THSD7B: variants seen among roughly 807,000 people sequenced by gnomAD.
THSD7B encodes thrombospondin type 1 domain containing 7B.
Under a neutral mutation model 213.6 loss-of-function variants are expected in THSD7B, and 138 were observed. That is an observed-to-expected ratio of 0.65 (90% CI 0.56 to 0.74). The LOEUF is 0.74. Among genes scored for constraint, THSD7B ranks in the 30% least tolerant of loss-of-function variants. The probability of loss-of-function intolerance (pLI) is 0.00; values close to 1 mark genes in which losing one functional copy is unlikely to be tolerated. For synonymous variants in THSD7B, 742 were observed against 687.0 expected (o/e 1.08, Z -1.25); for missense variants, 1,931 against 1,991.5 (o/e 0.97, Z 0.58).
At chr2:137,400,111 T>C (rs1352511784) in intron 12 of THSD7B, among the ~76,000 whole-genome samples, 2 of 152,180 alleles carry the variant, frequency 1.3e-5, no homozygotes, top group African/African-American at 4.8e-5. Flanking sequence ...TTTTCTAATT[T>C]TTTTGTCTTA....
intron 15 of THSD7B, among the ~76,000 whole-genome samples, 191 bp downstream of exon 15, chr2:137,451,214 G>A (rs1157760452): frequency 6.6e-6 from 1 of 152,030 alleles, no homozygotes; most frequent in African/African-American, 2.4e-5. Flanking sequence ...CCTGGATAAT[G>A]CTGAGACAAA....
chr2:137,650,649 T>A (rs536838210), intron 21 of THSD7B, among the ~76,000 whole-genome samples: 3 of 152,324 alleles, frequency 2.0e-5, no homozygotes, highest in African/African-American at 7.2e-5. Context: ...TAGGCATCCT[T>A]GTCTTGTTCC....
chr2:137,075,866 G>C (rs550450658), intron 3 of THSD7B, among the ~76,000 whole-genome samples: 2 of 152,206 alleles, frequency 1.3e-5, no homozygotes, highest in Non-Finnish European at 2.9e-5. Flanking sequence ...GACACTGTTT[G>C]CCTGGGTATC....
intron 20 of THSD7B, among the ~76,000 whole-genome samples, chr2:137,634,991 T>C (rs1363542782): frequency 1.3e-5 from 2 of 152,194 alleles, no homozygotes; most frequent in African/African-American, 4.8e-5. Context: ...GATCTTGCCA[T>C]TCAATCCTTT....
chr2:137,376,686 G>A (rs940273725), intron 12 of THSD7B, among the ~76,000 whole-genome samples: 3 of 152,180 alleles, frequency 2.0e-5, no homozygotes, highest in African/African-American at 7.2e-5. Context: ...AAAGCTTCTA[G>A]CATATTGCGT....
intron 9 of THSD7B, among the ~76,000 whole-genome samples, chr2:137,239,564 G>T (rs1573906014): frequency 1.3e-5 from 2 of 152,180 alleles, no homozygotes; most frequent in East Asian, 3.9e-4. Flanking sequence ...AACTCTAAAG[G>T]ATGTATTTTT....
chr2:136,928,788 T>A (rs1684583601), intron 2 of THSD7B, among the ~76,000 whole-genome samples: 1 of 152,158 alleles, frequency 6.6e-6, no homozygotes, highest in African/African-American at 2.4e-5. Context: ...TAGGAGCTCA[T>A]CTGAAATATA....
chr2:137,003,240 GA>G (rs1686035822), intron 2 of THSD7B, among the ~76,000 whole-genome samples: 1 of 152,172 alleles, frequency 6.6e-6, no homozygotes, highest in African/African-American at 2.4e-5. Context: ...GGCATATTTT[GA>G]TTGTCTCAGA....
At chr2:136,829,784 TA>T (rs1450846525) in intron 1 of THSD7B, among the ~76,000 whole-genome samples, 1 of 152,178 alleles carries the variant, frequency 6.6e-6, no homozygotes, top group Non-Finnish European at 1.5e-5. Flanking sequence ...TATATTTGGC[TA>T]AAACCATTAT....
intron 15 of THSD7B, among the ~76,000 whole-genome samples, chr2:137,525,307 A>G (rs1289925441): frequency 6.6e-6 from 1 of 152,162 alleles, no homozygotes; most frequent in African/African-American, 2.4e-5. Context: ...AACTCTTAGA[A>G]TCCCAAGGGA....
At chr2:137,559,591 G>T (rs1319649005) in intron 15 of THSD7B, among the ~76,000 whole-genome samples, 1 of 152,120 alleles carries the variant, frequency 6.6e-6, no homozygotes, top group East Asian at 1.9e-4. Flanking sequence ...TTAAATGTTA[G>T]ACCTAAAACC....
intron 7 of THSD7B, among the ~76,000 whole-genome samples, chr2:137,199,029 A>G (rs932252648): frequency 1.3e-5 from 2 of 152,170 alleles, no homozygotes; most frequent in African/African-American, 4.8e-5. Context: ...TGCCATAACC[A>G]TAAGGGGCAG....
intron 21 of THSD7B, among the ~76,000 whole-genome samples, chr2:137,643,028 C>T (rs1198363977): frequency 3.3e-5 from 5 of 152,128 alleles, no homozygotes; most frequent in Non-Finnish European, 7.4e-5. Flanking sequence ...TAAAGAAACA[C>T]TTTTAGGGTT....
In THSD7B at chr2:137,426,457, A is replaced by G. The variant is rs186380482; in HGVS notation, c.2959+14585A>G. On this transcript the variant is annotated intron_variant, in intron 14 of 27. Coordinates refer to ENST00000409968, the MANE Select transcript of THSD7B (RefSeq NM_001316349.2). ...TTACAAAGCTATAGTCATCATTAGC[A>G]GTATGGTACAGGCATAAAAACAGAC... Among the ~76,000 whole-genome samples the G allele has an allele frequency of 3.3e-3, 510 of 152,282 alleles. 6 individuals are homozygous for G. Among genetic ancestry groups the G allele is most frequent in the African/African-American group, 0.012 (491 of 41,584 alleles).
intron 17 of THSD7B, among the ~76,000 whole-genome samples, chr2:137,574,810 T>A (rs1009749768): frequency 6.6e-6 from 1 of 152,128 alleles, no homozygotes; most frequent in African/African-American, 2.4e-5. Context: ...TATTGGACAA[T>A]GATAATGAGA....
At chr2:137,138,553 A>G (rs1013155896) in intron 5 of THSD7B, among the ~76,000 whole-genome samples, 1 of 152,182 alleles carries the variant, frequency 6.6e-6, no homozygotes, top group Non-Finnish European at 1.5e-5. Flanking sequence ...TTAAATCATT[A>G]TAGAGGGTTG....
At chr2:137,431,907 C>CT (rs5834550) in intron 14 of THSD7B, among the ~76,000 whole-genome samples, 85,546 of 151,796 alleles carry the variant, frequency 0.56, 27,335 homozygotes, top group East Asian at 0.77. Flanking sequence ...CAGAAAAACT[C>CT]TAAGAAATAT....
chr2:137,027,432 C>G (rs904954721), intron 2 of THSD7B, among the ~76,000 whole-genome samples: 1 of 152,182 alleles, frequency 6.6e-6, no homozygotes, highest in Non-Finnish European at 1.5e-5. Context: ...ACATCCCACA[C>G]CTGATTTCTT....
At chr2:137,637,105 A>G (rs1388959855) in intron 20 of THSD7B, among the ~76,000 whole-genome samples, 1 of 152,198 alleles carries the variant, frequency 6.6e-6, no homozygotes. Flanking sequence ...TCATTGCCAA[A>G]ACAATTCCTT....
Sources: allele counts gnomAD v4.1 joint callset (sites outside exome capture counted in the v4.1 genomes callset), GRCh38; gene constraint gnomAD v4.1.1; transcripts MANE v1.5; gene names NCBI Gene and HGNC (gene_info 2026-07-23, HGNC 2026-07-21).